NRXN1: variants seen among roughly 807,000 people sequenced by gnomAD.
NRXN1 encodes the protein neurexin 1.
Under a neutral mutation model 150.9 loss-of-function variants are expected in NRXN1, and 39 were observed. The ratio of observed to expected loss-of-function variants is 0.26; its 90% CI spans 0.20 to 0.34. NRXN1 has a LOEUF of 0.34. Among genes scored for constraint, NRXN1 ranks in the 10% least tolerant of loss-of-function variants. The pLI, the probability that NRXN1 is intolerant of heterozygous loss-of-function variation, is 1.00. For missense variants in NRXN1, 1,815 were observed against 1,949.9 expected (o/e 0.93, Z 1.30); for synonymous variants, 924 against 757.0 (o/e 1.22, Z -3.62).
intron 5 of NRXN1, among the ~76,000 whole-genome samples, chr2:50,775,367 A>G (rs1703483573): frequency 6.6e-6 from 1 of 152,124 alleles, no homozygotes; most frequent in African/African-American, 2.4e-5. Context: ...TCCCCTGGGA[A>G]AGCCTCATCT....
At chr2:49,973,292 G>A (rs1017905336) in intron 21 of NRXN1, among the ~76,000 whole-genome samples, 98 of 152,028 alleles carry the variant, frequency 6.4e-4, no homozygotes, top group African/African-American at 2.0e-3. Context: ...TCCCAGACAC[G>A]CATTTTTTTC....
chr2:50,437,269 C>T (rs542853725), intron 17 of NRXN1, among the ~76,000 whole-genome samples: 31 of 152,260 alleles, frequency 2.0e-4, no homozygotes, highest in Middle Eastern at 6.8e-3. Flanking sequence ...CCACAAAATC[C>T]CAAGTAAAAC....
chr2:49,928,515 T>A (rs867762097), intron 22 of NRXN1, among the ~76,000 whole-genome samples: 8 of 152,142 alleles, frequency 5.3e-5, no homozygotes, highest in African/African-American at 1.7e-4. Flanking sequence ...GGGGGAAGAT[T>A]TGACTTTTCC....
At chr2:50,027,535 G>T (rs764707798) in intron 21 of NRXN1, among the ~76,000 whole-genome samples, 2 of 151,888 alleles carry the variant, frequency 1.3e-5, no homozygotes, top group South Asian at 4.2e-4. Flanking sequence ...CTTGACCTCC[G>T]TGGCTCAAGC....
chr2:50,184,916 G>C (rs987199079), intron 18 of NRXN1, among the ~76,000 whole-genome samples: 2 of 152,084 alleles, frequency 1.3e-5, no homozygotes, highest in African/African-American at 4.8e-5. Flanking sequence ...AGTGACAGAG[G>C]TAGGATTTGA....
intron 18 of NRXN1, among the ~76,000 whole-genome samples, chr2:50,190,271 A>AT (rs1209189256): frequency 2.0e-5 from 3 of 152,110 alleles, no homozygotes; most frequent in South Asian, 2.1e-4. Context: ...CTATATATGT[A>AT]TTTTTTTCTT....
At chr2:50,489,927 C>T (rs948040167) in intron 15 of NRXN1, among the ~76,000 whole-genome samples, 10 of 147,448 alleles carry the variant, frequency 6.8e-5, no homozygotes, top group African/African-American at 1.6e-4. Context: ...CTCAACTTCC[C>T]GCCTCCTTAA....
chr2:50,560,381 G>A (rs963853185), intron 8 of NRXN1, among the ~76,000 whole-genome samples: 56 of 152,222 alleles, frequency 3.7e-4, no homozygotes, highest in African/African-American at 1.3e-3. Flanking sequence ...AGGGAAGACA[G>A]TGTAGAAAAT....
intron 17 of NRXN1, among the ~76,000 whole-genome samples, chr2:50,438,715 C>T (rs182256775): frequency 4.7e-4 from 72 of 152,208 alleles, no homozygotes; most frequent in African/African-American, 1.4e-3. Context: ...AGAATAAAAA[C>T]GACTAATAAA....
chr2:50,041,685 G>A (rs1690989525), intron 21 of NRXN1, among the ~76,000 whole-genome samples: 1 of 152,236 alleles, frequency 6.6e-6, no homozygotes, highest in African/African-American at 2.4e-5. Flanking sequence ...ATGATTTCCT[G>A]TAGAGAATTT....
chr2:50,298,327 T>C (rs928233208), intron 17 of NRXN1, among the ~76,000 whole-genome samples: 6 of 152,256 alleles, frequency 3.9e-5, no homozygotes, highest in Admixed American at 1.3e-4. Context: ...TTTTACTCTC[T>C]TTTAGACTTT....
chr2:50,973,762 T>A (rs2104810074), intron 2 of NRXN1, among the ~76,000 whole-genome samples: 1 of 152,258 alleles, frequency 6.6e-6, no homozygotes, highest in Admixed American at 6.6e-5. Context: ...TTAAACCAAA[T>A]CTGTATCACA....
intron 5 of NRXN1, among the ~76,000 whole-genome samples, chr2:50,664,419 G>GTC (rs1687726834): frequency 1.3e-5 from 2 of 149,172 alleles, no homozygotes; most frequent in African/African-American, 2.5e-5. Context: ...GTGTGTGTGT[G>GTC]TGTGTGTGTG....
intron 19 of NRXN1, among the ~76,000 whole-genome samples, chr2:50,070,782 A>C (rs890831873): frequency 6.6e-6 from 1 of 150,826 alleles, no homozygotes; most frequent in Admixed American, 6.6e-5. Context: ...AAAAAAAAAA[A>C]AAAAAAACCT....
chr2:49,930,906 G>A (rs1670011658), intron 22 of NRXN1, among the ~76,000 whole-genome samples: 1 of 152,244 alleles, frequency 6.6e-6, no homozygotes, highest in African/African-American at 2.4e-5. Context: ...GCAGCACTTT[G>A]AGAGGCTGAA....
intron 21 of NRXN1, among the ~76,000 whole-genome samples, chr2:49,974,617 C>T (rs571264233): frequency 6.6e-6 from 1 of 152,200 alleles, no homozygotes; most frequent in Non-Finnish European, 1.5e-5. Context: ...AGAATCTCCT[C>T]GAAGCCTTGT....
At chr2:50,167,966 T>C (rs949639297) in intron 18 of NRXN1, among the ~76,000 whole-genome samples, 4 of 152,204 alleles carry the variant, frequency 2.6e-5, no homozygotes, top group Non-Finnish European at 4.4e-5. Flanking sequence ...TATCCATGCA[T>C]ATTTGCTCTG....
chr2:50,590,793 T>C (rs912602203), intron 8 of NRXN1, among the ~76,000 whole-genome samples: 1 of 152,104 alleles, frequency 6.6e-6, no homozygotes, highest in Non-Finnish European at 1.5e-5. Context: ...ATCTTGGAGT[T>C]CCCAGACTCT....
chr2:50,625,235 T>A (rs1416753818), intron 5 of NRXN1, among the ~76,000 whole-genome samples: 1 of 152,072 alleles, frequency 6.6e-6, no homozygotes, highest in Non-Finnish European at 1.5e-5. Flanking sequence ...CAGTGCCAGA[T>A]GATCTGCCTT....
Sources: allele counts gnomAD v4.1 joint callset (sites outside exome capture counted in the v4.1 genomes callset), GRCh38; gene constraint gnomAD v4.1.1; transcripts MANE v1.5; gene names NCBI Gene and HGNC (gene_info 2026-07-23, HGNC 2026-07-21).